PDK3: variants seen among roughly 807,000 people sequenced by gnomAD.
The protein encoded by PDK3 is pyruvate dehydrogenase kinase, isozyme 3.
Under a neutral mutation model 32.0 loss-of-function variants are expected in PDK3, and 12 were observed. That is an observed-to-expected ratio of 0.37 (90% CI 0.24 to 0.61). The LOEUF is 0.61. PDK3 is among the 20% of genes least tolerant of loss of function. The pLI is 0.65. For synonymous variants in PDK3, 122 were observed against 116.3 expected, an observed-to-expected ratio of 1.05 and a Z score of -0.31; for missense variants, 188 against 316.9, an observed-to-expected ratio of 0.59 and a Z score of 3.09.
intron 2 of PDK3, among the ~76,000 whole-genome samples, chrX:24,496,585 T>TTTTTTTTTTTTTTTTTG: frequency 1.1e-5 from 1 of 88,906 alleles, no homozygotes; most frequent in Non-Finnish European, 2.2e-5. Flanking sequence ...TTTTTTTTTT[T>TTTTTTTTTTTTTTTTTG]TTTTTTGCAG....
chrX:24,488,355 G>A, intron 1 of PDK3, among the ~76,000 whole-genome samples: 1 of 112,043 alleles, frequency 8.9e-6, no homozygotes, highest in Non-Finnish European at 1.9e-5. Flanking sequence ...TGCAAATATA[G>A]TAATTGTCTC....
intron 1 of PDK3, among the ~76,000 whole-genome samples, chrX:24,466,328 C>T (rs927097691): frequency 8.9e-6 from 1 of 112,123 alleles, no homozygotes; most frequent in African/African-American, 3.2e-5. Context: ...ATAGATTCCA[C>T]CACCTTCTGT....
chrX:24,498,676 C>T (rs1225302514), intron 2 of PDK3, among the ~76,000 whole-genome samples, 153 bp from the exon 3 acceptor site: 5 of 111,206 alleles, frequency 4.5e-5, no homozygotes, highest in Admixed American at 2.9e-4. Context: ...GCACTGGCTT[C>T]CCTGATGCAC....
At chrX:24,485,375 A>G (rs1256055238) in intron 1 of PDK3, among the ~76,000 whole-genome samples, 1 of 111,629 alleles carries the variant, frequency 9.0e-6, no homozygotes, top group Non-Finnish European at 1.9e-5. Context: ...AAATAAATAA[A>G]TAAATTTCTT....
At chrX:24,532,415 C>CA (rs1602128958) in intron 10 of PDK3, among the ~76,000 whole-genome samples, 1 of 112,137 alleles carries the variant, frequency 8.9e-6, no homozygotes, top group Non-Finnish European at 1.9e-5. Flanking sequence ...TTTAAAAACT[C>CA]ACTGGCTTTC....
intron 1 of PDK3, among the ~76,000 whole-genome samples, chrX:24,479,779 C>T (rs3788920): frequency 0.031 from 3,373 of 108,998 alleles, 79 homozygotes; most frequent in South Asian, 0.2. Flanking sequence ...AGTGAGACTC[C>T]GTCTCAAAAA....
In PDK3 at chrX:24,474,071, A is replaced by C. The variant is rs750109223; in HGVS notation, c.106+8510A>C. 2.7e-5 allele frequency among the ~76,000 whole-genome samples: 3 copies of C among 111,782 alleles called. No individual in the cohort carries two copies. The South Asian group carries it at 1.1e-3, about 41-fold the overall frequency. ...CTCGCCCTGTCGGCTTCTGGTTCCC[A>C]TATTAACCACTTTTCTCCCCTCCCT... On this transcript the variant is annotated intron_variant, in intron 1 of 10. Transcript: ENST00000379162.
intron 5 of PDK3, 84 bp from the exon 6 acceptor site, chrX:24,518,849 A>C: frequency 2.7e-6 from 1 of 376,102 alleles, no homozygotes; most frequent in Non-Finnish European, 4.3e-6. Flanking sequence ...ACACACACAC[A>C]CACACACACA....
At chrX:24,512,126 A>G (rs181669260) in intron 5 of PDK3, among the ~76,000 whole-genome samples, 1 of 111,612 alleles carries the variant, frequency 9.0e-6, no homozygotes, top group Non-Finnish European at 1.9e-5. Context: ...GACCCCAGGT[A>G]GTGAATGCTA....
At chrX:24,535,986 G>A (rs1252726476), downstream of PDK3, among the ~76,000 whole-genome samples, 3 of 100,327 alleles carry the variant, frequency 3.0e-5, no homozygotes, top group Non-Finnish European at 6.1e-5. Flanking sequence ...AAGGAAGAAA[G>A]GAAGGAAGGA....
chrX:24,525,993 G>C (rs977523727), intron 6 of PDK3, among the ~76,000 whole-genome samples: 5 of 112,833 alleles, frequency 4.4e-5, no homozygotes, highest in Non-Finnish European at 9.4e-5. Context: ...CACATAGCTG[G>C]TAAGTGAAGG....
chrX:24,519,041 CA>C (rs1485307962), intron 6 of PDK3, 31 bp downstream of exon 6: 2 of 983,045 alleles, frequency 2.0e-6, no homozygotes, highest in Non-Finnish European at 2.8e-6. Flanking sequence ...ACCTTACATT[CA>C]AAAAAGCTGA....
intron 1 of PDK3, among the ~76,000 whole-genome samples, chrX:24,481,715 A>G (rs1175368305): frequency 1.8e-5 from 2 of 111,801 alleles, no homozygotes; most frequent in East Asian, 2.8e-4. Context: ...TCCTGCCACC[A>G]TGTGAAGATG....
intron 1 of PDK3, among the ~76,000 whole-genome samples, chrX:24,466,431 G>A (rs1463546760): frequency 1.8e-5 from 2 of 112,144 alleles, no homozygotes; most frequent in Non-Finnish European, 3.8e-5. Context: ...ATGGAACTCA[G>A]CATCCCTGGA....
exon 12 of PDK3, among the ~76,000 whole-genome samples, chrX:24,542,454 A>C (rs1922911874): frequency 8.9e-6 from 1 of 112,945 alleles, no homozygotes; most frequent in Non-Finnish European, 1.9e-5. Flanking sequence ...AGTCAATGGA[A>C]GGGCCAAAGC....
At chrX:24,488,698 AAAAC>A (rs1248034776) in intron 1 of PDK3, among the ~76,000 whole-genome samples, 5 of 111,961 alleles carry the variant, frequency 4.5e-5, no homozygotes, top group East Asian at 5.6e-4. Context: ...CTCTGTCTCA[AAAAC>A]AAACAAACAA....
At chrX:24,529,850 A>C (rs952024403) in intron 9 of PDK3, among the ~76,000 whole-genome samples, 5 of 111,881 alleles carry the variant, frequency 4.5e-5, no homozygotes, top group Non-Finnish European at 9.4e-5. Flanking sequence ...TAATTTCCTC[A>C]TTGAGCAACT....
At chrX:24,529,441 G>GTAC (rs1334161000) in intron 9 of PDK3, among the ~76,000 whole-genome samples, 1 of 111,525 alleles carries the variant, frequency 9.0e-6, no homozygotes, top group African/African-American at 3.3e-5. Context: ...TCTTTCCAGT[G>GTAC]TACTACGTGG....
chrX:24,488,454 T>G (rs1305062969), intron 1 of PDK3, among the ~76,000 whole-genome samples: 1 of 112,219 alleles, frequency 8.9e-6, no homozygotes, highest in Non-Finnish European at 1.9e-5. Flanking sequence ...TTTGGGAAGC[T>G]GAGGCAGGCG....
Sources: allele counts gnomAD v4.1 joint callset (sites outside exome capture counted in the v4.1 genomes callset), GRCh38; gene constraint gnomAD v4.1.1; transcripts MANE v1.5; gene names NCBI Gene and HGNC (gene_info 2026-07-23, HGNC 2026-07-21).